FGGY: variants seen among roughly 807,000 people sequenced by gnomAD.
FGGY encodes the protein FGGY carbohydrate kinase domain containing.
A neutral mutation model predicts 71.3 loss-of-function variants in FGGY; 72 were observed. The observed-to-expected ratio is 1.01, with a 90% CI of 0.84 to 1.23. The LOEUF (loss-of-function observed/expected upper bound fraction) is 1.23. Ranked by LOEUF, FGGY falls within the 50% of genes most tolerant of loss-of-function variation. FGGY has a pLI of 0.00. For synonymous variants in FGGY, 251 were observed against 250.3 expected (o/e 1.00, Z -0.02); for missense variants, 668 against 682.3 (o/e 0.98, Z 0.23).
chr1:59,726,318 G>C (rs553401170), intron 14 of FGGY, among the ~76,000 whole-genome samples: 25 of 152,020 alleles, frequency 1.6e-4, no homozygotes, highest in African/African-American at 5.8e-4. Flanking sequence ...CACGTTGTTG[G>C]ATTGATTTGC....
chr1:59,592,486 A>G (rs1198199123), intron 8 of FGGY, among the ~76,000 whole-genome samples: 2 of 152,164 alleles, frequency 1.3e-5, no homozygotes, highest in Admixed American at 6.5e-5. Context: ...ACATGCACAC[A>G]TATGTTTATT....
intron 11 of FGGY, among the ~76,000 whole-genome samples, chr1:59,651,157 A>G (rs1044977155): frequency 2.0e-5 from 3 of 151,428 alleles, no homozygotes; most frequent in Non-Finnish European, 4.4e-5. Flanking sequence ...TGCTGAGGAG[A>G]GCTTTACTTC....
At chr1:59,646,485 G>GA (rs377166884) in intron 11 of FGGY, among the ~76,000 whole-genome samples, 106 of 149,700 alleles carry the variant, frequency 7.1e-4, no homozygotes, top group African/African-American at 2.5e-3. Flanking sequence ...ATGTTTTACT[G>GA]AAAATACATA....
At chr1:59,411,361 A>G (rs2063575290) in intron 5 of FGGY, among the ~76,000 whole-genome samples, 1 of 152,256 alleles carries the variant, frequency 6.6e-6, no homozygotes, top group African/African-American at 2.4e-5. Flanking sequence ...GATTTATCGT[A>G]TCACAGGTGA....
chr1:59,323,697 C>T (rs1004435489), intron 2 of FGGY, among the ~76,000 whole-genome samples: 1 of 152,304 alleles, frequency 6.6e-6, no homozygotes, highest in African/African-American at 2.4e-5. Flanking sequence ...TTTCTTGCTT[C>T]AGTTTCCTTA....
chr1:59,617,537 A>T (rs948126952), intron 9 of FGGY, among the ~76,000 whole-genome samples: 1 of 152,090 alleles, frequency 6.6e-6, no homozygotes, highest in African/African-American at 2.4e-5. Flanking sequence ...TAGTTTCATC[A>T]CACATCAAGG....
intron 7 of FGGY, among the ~76,000 whole-genome samples, chr1:59,535,663 T>C (rs960638245): frequency 4.6e-5 from 7 of 150,590 alleles, no homozygotes; most frequent in African/African-American, 1.7e-4. Context: ...AAACTAGAAC[T>C]CAGGATTAAG....
intron 7 of FGGY, among the ~76,000 whole-genome samples, chr1:59,531,570 G>A (rs777090109): frequency 6.6e-5 from 10 of 152,106 alleles, no homozygotes; most frequent in African/African-American, 1.4e-4. Context: ...CCTTTTATAC[G>A]CTGAGCATTT....
intron 4 of FGGY, among the ~76,000 whole-genome samples, chr1:59,373,097 T>A (rs553457016): frequency 6.6e-5 from 10 of 152,144 alleles, no homozygotes; most frequent in Admixed American, 5.2e-4. Flanking sequence ...GGGTATTCAA[T>A]TAGGAAAAGA....
intron 8 of FGGY, among the ~76,000 whole-genome samples, chr1:59,585,962 A>G: frequency 6.6e-6 from 1 of 152,200 alleles, no homozygotes; most frequent in Non-Finnish European, 1.5e-5. Context: ...AACCACAATG[A>G]GATACCATCT....
At chr1:59,570,227 T>A (rs569777516) in intron 8 of FGGY, among the ~76,000 whole-genome samples, 7 of 152,178 alleles carry the variant, frequency 4.6e-5, no homozygotes, top group African/African-American at 1.4e-4. Flanking sequence ...TGGAAAACTT[T>A]CAAAAAAACT....
intron 6 of FGGY, among the ~76,000 whole-genome samples, chr1:59,472,047 C>T (rs1198447753): frequency 6.6e-6 from 1 of 152,268 alleles, no homozygotes; most frequent in Non-Finnish European, 1.5e-5. Context: ...AGCCCTTCAG[C>T]CCGCCGCTGC....
At chr1:59,508,965 C>T (rs2094457544) in intron 6 of FGGY, among the ~76,000 whole-genome samples, 1 of 152,168 alleles carries the variant, frequency 6.6e-6, no homozygotes, top group African/African-American at 2.4e-5. Context: ...ATTCCTGCAG[C>T]ACCTTGGTGA....
chr1:59,594,766 A>G (rs1301337271), intron 8 of FGGY, among the ~76,000 whole-genome samples: 1 of 152,236 alleles, frequency 6.6e-6, no homozygotes, highest in Non-Finnish European at 1.5e-5. Flanking sequence ...CACAGAGGGT[A>G]TCAACACAAA....
intron 7 of FGGY, among the ~76,000 whole-genome samples, chr1:59,544,807 A>G (rs568611403): frequency 1.3e-5 from 2 of 152,334 alleles, no homozygotes; most frequent in South Asian, 4.1e-4. Context: ...AGAACTTTAC[A>G]CTAACCAACT....
intron 8 of FGGY, among the ~76,000 whole-genome samples, chr1:59,587,087 G>T (rs527287632): frequency 2.0e-5 from 3 of 151,988 alleles, no homozygotes; most frequent in African/African-American, 7.3e-5. Context: ...GGTCACTCCC[G>T]CCCTAATACT....
chr1:59,690,161 G>T (rs779039410), intron 14 of FGGY, among the ~76,000 whole-genome samples: 3 of 152,134 alleles, frequency 2.0e-5, no homozygotes, highest in Non-Finnish European at 4.4e-5. Context: ...GAAACAACAG[G>T]CTTTAGTGAG....
intron 4 of FGGY, among the ~76,000 whole-genome samples, chr1:59,356,039 G>A (rs1250137845): frequency 6.6e-6 from 1 of 151,938 alleles, no homozygotes; most frequent in Admixed American, 6.6e-5. Context: ...GGCAATACAG[G>A]GTCCACACTT....
intron 11 of FGGY, chr1:59,641,263 T>G (rs1474389025): frequency 6.2e-7 from 1 of 1,602,670 alleles, no homozygotes; most frequent in Admixed American, 1.7e-5. Context: ...AAAAGAAAAT[T>G]TTCTCGGATT....
Sources: gnomAD v4.1 joint callset for allele counts (sites outside exome capture counted in the v4.1 genomes callset) on GRCh38, gnomAD v4.1.1 for gene constraint, MANE v1.5 for transcripts, NCBI Gene and HGNC (gene_info 2026-07-23, HGNC 2026-07-21) for gene names.